EZR: variants seen among roughly 807,000 people sequenced by gnomAD.
The protein encoded by EZR is cytovillin 2.
In EZR, 40 loss-of-function variants were observed where a neutral mutation model predicts 74.8. That is an observed-to-expected ratio of 0.53 (90% CI 0.42 to 0.70). The LOEUF (loss-of-function observed/expected upper bound fraction) is 0.70. Among genes scored for constraint, EZR ranks in the 30% least tolerant of loss-of-function variants. EZR has a pLI of 0.00. For missense variants in EZR, 678 were observed against 755.8 expected, an observed-to-expected ratio of 0.90 and a Z score of 1.21; for synonymous variants, 341 against 283.3, an observed-to-expected ratio of 1.20 and a Z score of -2.05.
chr6:158,801,270 A>AT (rs1741397826), intron 2 of EZR, among the ~76,000 whole-genome samples: 1 of 152,154 alleles, frequency 6.6e-6, no homozygotes, highest in Non-Finnish European at 1.5e-5. Flanking sequence ...GTGCATCACC[A>AT]TGCCCAGCTA....
At chr6:158,790,631 G>A (rs1182660307) in intron 2 of EZR, among the ~76,000 whole-genome samples, 1 of 152,174 alleles carries the variant, frequency 6.6e-6, no homozygotes, top group Non-Finnish European at 1.5e-5. Context: ...CCAAGATTGT[G>A]CCACTGCATT....
intron 10 of EZR, 110 bp downstream of exon 10, chr6:158,770,654 T>TG: frequency 7.9e-7 from 1 of 1,271,514 alleles, no homozygotes; most frequent in Non-Finnish European, 1.1e-6. Flanking sequence ...GTCTGCGCTG[T>TG]GGGACACGTT....
At chr6:158,809,193 G>A (rs1274243069) in intron 2 of EZR, among the ~76,000 whole-genome samples, 3 of 150,224 alleles carry the variant, frequency 2.0e-5, no homozygotes, top group Non-Finnish European at 4.4e-5. Context: ...GGTGGAGACC[G>A]AGTTCTATGA....
chr6:158,785,230 T>C, intron 5 of EZR, 79 bp downstream of exon 5: 2 of 1,555,400 alleles, frequency 1.3e-6, no homozygotes, highest in Non-Finnish European at 1.7e-6. Flanking sequence ...GTTTTTAAAC[T>C]GTGCTTCTAA....
At position 158,765,911 on chromosome 6, in the gene EZR, G is replaced by C. The variant is rs975989385; in HGVS notation, c.*1003C>G. 1 of 110,690 alleles carries C rather than the reference G, an allele frequency of 9.0e-6. No homozygotes were observed. The highest frequency in any genetic ancestry group is 2.2e-5 in the Non-Finnish European group (1 of 44,656). 6.9% of individuals were successfully genotyped at this position (110,690 alleles called of 1,614,324 possible). A position where few individuals can be genotyped will look rare whatever the true frequency, so the allele number is the denominator to read the frequency against. On this transcript the variant is annotated 3_prime_UTR_variant, in exon 14 of 14. Transcript: ENST00000367075. ...GCCTGCCAAGGCCATGGCAGAGAGA[G>C]ACTGCAAACAAACAAACACAAGCAA...
At chr6:158,788,085 T>A (rs540133792) in intron 3 of EZR, among the ~76,000 whole-genome samples, 2 of 152,350 alleles carry the variant, frequency 1.3e-5, no homozygotes, top group African/African-American at 4.8e-5. Flanking sequence ...TGTTAAACTT[T>A]AAAAAATGCT....
At chr6:158,807,873 C>G (rs1167218599) in intron 2 of EZR, among the ~76,000 whole-genome samples, 2 of 152,180 alleles carry the variant, frequency 1.3e-5, no homozygotes, top group African/African-American at 4.8e-5. Context: ...CATCTCCTTT[C>G]CAGAGCATTT....
At position 158,770,843 on chromosome 6, in the gene EZR, T is replaced by G; in HGVS notation, c.1011A>C (p.Lys337Asn). The part of the protein sequence containing the change: ...KKRRETVERE[K>N]EQMMREKEEL... ...CCTCCTTCTCGCGCATCATCTGCTCTTTCTCTCTCTCCACGGTTTCTCTCC... is the reference window on the plus strand; with the variant it reads ...CCTCCTTCTCGCGCATCATCTGCTCGTTCTCTCTCTCCACGGTTTCTCTCC... Residue 337 changes from lysine (K) to asparagine (N), a missense_variant, in exon 10 of 14, where the codon AAA (lysine) becomes AAC (asparagine). This residue lies in a region of EZR where 342 missense variants were observed against 341.2 expected (regional missense o/e 1.00). Coordinates refer to ENST00000367075, the MANE Select transcript of EZR (RefSeq NM_001111077.2). 6.2e-7 allele frequency: 1 copy of G among 1,614,220 alleles called. No individual in the cohort carries two copies. The highest frequency in any genetic ancestry group is 8.5e-7 in the Non-Finnish European group (1 of 1,180,024).
At chr6:158,772,090 T>TC (rs904291266) in intron 8 of EZR, among the ~76,000 whole-genome samples, 1 of 152,144 alleles carries the variant, frequency 6.6e-6, no homozygotes, top group African/African-American at 2.4e-5. Flanking sequence ...CTCAAAGCTA[T>TC]CCAGCCCTGC....
intron 2 of EZR, among the ~76,000 whole-genome samples, chr6:158,808,322 A>C (rs1340366450): frequency 6.6e-6 from 1 of 152,216 alleles, no homozygotes; most frequent in African/African-American, 2.4e-5. Context: ...TTCGGGAAGC[A>C]GTTGCTGTTC....
intron 12 of EZR, among the ~76,000 whole-genome samples, chr6:158,768,875 G>GAGAC (rs1791003838): frequency 6.6e-6 from 1 of 152,174 alleles, no homozygotes; most frequent in Non-Finnish European, 1.5e-5. Flanking sequence ...CTCCAGCCTG[G>GAGAC]AGACGTCCAA....
intron 2 of EZR, among the ~76,000 whole-genome samples, chr6:158,808,287 G>C (rs1039040081): frequency 7.9e-5 from 12 of 152,182 alleles, no homozygotes; most frequent in Admixed American, 5.2e-4. Context: ...AGAATGCTGT[G>C]TAAACTGCAT....
At chr6:158,772,471 C>T (rs944570826) in intron 8 of EZR, among the ~76,000 whole-genome samples, 2 of 152,220 alleles carry the variant, frequency 1.3e-5, no homozygotes, top group African/African-American at 4.8e-5. Flanking sequence ...AGGTGCTCGG[C>T]GCAGGAAGAG....
At chr6:158,804,464 C>A (rs948734005) in intron 2 of EZR, among the ~76,000 whole-genome samples, 20 of 152,344 alleles carry the variant, frequency 1.3e-4, no homozygotes, top group African/African-American at 3.8e-4. Flanking sequence ...CATGTGATTT[C>A]AGTTTCACTA....
rs879681658 is a variant in EZR at position 158,818,184 on chromosome 6, C to T, written c.-73-18G>A. The T allele has an allele frequency of 1.1e-5, 16 of 1,421,300 alleles. No homozygotes were observed. The highest frequency in any genetic ancestry group is 1.4e-5 in the Non-Finnish European group (15 of 1,036,362). 88.0% of individuals were successfully genotyped at this position (1,421,300 alleles called of 1,614,324 possible). On this transcript the variant is annotated intron_variant, in intron 1 of 13. Coordinates refer to ENST00000367075, the MANE Select transcript of EZR (RefSeq NM_001111077.2). ...GTCCCAACCTGGAGTCAGAGCAGAA[C>T]CCTTAGAGCGCCCGCCCGCCCTGCC... is the stretch of plus-strand genomic sequence containing the variant.
chr6:158,791,028 A>G (rs148733816), intron 2 of EZR, among the ~76,000 whole-genome samples: 1 of 152,318 alleles, frequency 6.6e-6, no homozygotes, highest in Non-Finnish European at 1.5e-5. Flanking sequence ...GGAACCAGAA[A>G]TATTAAGCAC....
At position 158,774,167 on chromosome 6, in the gene EZR, G is replaced by A. The variant is rs113429416; in HGVS notation, c.795+2241C>T. Reference sequence around the variant, plus strand: ...CTTTTTTACAAGAAAGTTCGATGTCGAAAACTTGAACTTCTTCTGCCCAAA... The same window carrying A: ...CTTTTTTACAAGAAAGTTCGATGTCAAAAACTTGAACTTCTTCTGCCCAAA... On this transcript the variant is annotated intron_variant, in intron 8 of 13. Transcript: ENST00000367075. Among the ~76,000 whole-genome samples, 787 of 152,248 alleles carry A rather than the reference G, an allele frequency of 5.2e-3. 2 individuals carry two copies. The highest frequency in any genetic ancestry group is 0.018 in the African/African-American group (751 of 41,520).
chr6:158,768,394 T>C (rs931198716), intron 12 of EZR, among the ~76,000 whole-genome samples: 1 of 151,774 alleles, frequency 6.6e-6, no homozygotes, highest in Non-Finnish European at 1.5e-5. Flanking sequence ...ATAGCCGTTG[T>C]GAGAACAGCC....
At chr6:158,816,002 A>AAG (rs1200192346) in intron 2 of EZR, among the ~76,000 whole-genome samples, 1 of 152,252 alleles carries the variant, frequency 6.6e-6, no homozygotes. Flanking sequence ...AATAAGAGAG[A>AAG]GAAGGGAGTT....
Sources: gnomAD v4.1 joint callset for allele counts (sites outside exome capture counted in the v4.1 genomes callset) on GRCh38, gnomAD v4.1.1 for gene constraint, gnomAD v4.1.1 regional missense constraint, MANE v1.5 for transcripts, NCBI Gene and HGNC (gene_info 2026-07-23, HGNC 2026-07-21) for gene names.